The following CD177 variants were observed in gnomAD, a reference collection of about 807,000 sequenced individuals.
CD177 encodes the protein CD177 antigen.
A neutral mutation model predicts 38.1 loss-of-function variants in CD177; 41 were observed. The observed-to-expected ratio is 1.07, with a 90% confidence interval of 0.84 to 1.39. The LOEUF (loss-of-function observed/expected upper bound fraction) is 1.39. Ranked by LOEUF, CD177 falls within the 40% of genes most tolerant of loss-of-function variation. The pLI is 0.00. For missense variants in CD177, 619 were observed against 523.8 expected (o/e 1.18, Z -1.77); for synonymous variants, 236 against 216.7 (o/e 1.09, Z -0.78).
chr19:43,364,602 A>AG (rs1464523353), downstream of CD177, among the ~76,000 whole-genome samples: 1 of 134,904 alleles, frequency 7.4e-6, no homozygotes, highest in African/African-American at 2.8e-5. Flanking sequence ...TGGCAGCACA[A>AG]GGGGCACAGG....
chr19:43,359,902 G>A (rs1481784322), intron 5 of CD177, among the ~76,000 whole-genome samples: 6 of 145,838 alleles, frequency 4.1e-5, no homozygotes, highest in Admixed American at 3.5e-4. Context: ...CAACTGAAAG[G>A]TATGAGAAAG....
chr19:43,360,484 T>C (rs1479823394), intron 6 of CD177, 79 bp downstream of exon 6: 5 of 1,393,874 alleles, frequency 3.6e-6, no homozygotes, highest in Non-Finnish European at 3.9e-6. Flanking sequence ...TTCTTTCCCC[T>C]GAATTTCCTG....
chr19:43,355,917 G>A lies in CD177; in HGVS notation c.503-75G>A, dbSNP rs1599876835. 1.3e-5 allele frequency: 15 copies of A among 1,182,528 alleles called. No homozygotes were observed. In the East Asian group the frequency reaches 2.8e-4, roughly 22 times the overall value. The allele number at this position is 1,182,528 out of a possible 1,614,324, so 73.3% of individuals were successfully genotyped here. A position where few individuals can be genotyped will look rare whatever the true frequency, so the allele number is the denominator to read the frequency against. ...AGGAGGGTGGGCCTGGCTTCCTGGA[G>A]CTATGCCTGCCTCTGAGGGTTGGGT... On this transcript the variant is annotated intron_variant, in intron 4 of 8. Transcript: ENST00000618265.
At chr19:43,354,539 A>G (rs780686323) in intron 3 of CD177, 147 bp downstream of exon 3, 1 of 773,344 alleles carries the variant, frequency 1.3e-6, no homozygotes, top group South Asian at 1.6e-5. Flanking sequence ...CTCCCTGACC[A>G]TCGCCCCGCC....
intron 8 of CD177, 39 bp from the exon 9 acceptor site, chr19:43,362,049 G>A (rs772190359): frequency 4.4e-6 from 7 of 1,576,186 alleles, no homozygotes; most frequent in South Asian, 1.1e-5. Context: ...TGGCTGGGCT[G>A]TACTCTGTGT....
At chr19:43,363,732 A>G (rs1970006001), downstream of CD177, among the ~76,000 whole-genome samples, 1 of 152,118 alleles carries the variant, frequency 6.6e-6, no homozygotes, top group African/African-American at 2.4e-5. Context: ...GAAACAGAAC[A>G]CGTCTAGTAC....
intron 5 of CD177, among the ~76,000 whole-genome samples, chr19:43,360,028 C>T (rs553366273): frequency 1.1e-3 from 163 of 151,710 alleles, no homozygotes; most frequent in Middle Eastern, 3.4e-3. Context: ...AAGCAAGGAA[C>T]GGCCGTTCCC....
intron 3 of CD177, among the ~76,000 whole-genome samples, chr19:43,355,275 G>A (rs1160884692): frequency 2.0e-5 from 3 of 150,924 alleles, no homozygotes; most frequent in African/African-American, 7.3e-5. Context: ...CACCACGCCC[G>A]GCTAATTTTT....
At chr19:43,361,617 T>G (rs1424566938) in intron 8 of CD177, 38 bp downstream of exon 8, 2 of 1,549,468 alleles carry the variant, frequency 1.3e-6, no homozygotes, top group Non-Finnish European at 1.7e-6. Context: ...ATGAAGGCAC[T>G]GGTGGCCTGG....
chr19:43,360,043 G>A (rs1290031911), intron 5 of CD177, among the ~76,000 whole-genome samples: 16 of 151,870 alleles, frequency 1.1e-4, no homozygotes, highest in Admixed American at 7.2e-4. Flanking sequence ...GTTCCCCCAG[G>A]GCTGTGAGAG....
chr19:43,353,951 A>C lies in CD177; in HGVS notation c.151A>C (p.Ser51Arg), dbSNP rs753341493. ...GACCCCTAAGAACACCAGCTGCGAC[A>C]GCGGCTTGGGGTGCCAGGACACGTT... ...QWTPKNTSCD[S>R]GLGCQDTLML... Residue 51 changes from serine (S) to arginine (R), a missense_variant, in exon 2 of 9, where the codon AGC becomes CGC. Transcript: ENST00000618265. 5.0e-6 allele frequency: 8 copies of C among 1,613,798 alleles called. No homozygotes were observed. Among genetic ancestry groups the C allele is most frequent in the Non-Finnish European group, 6.8e-6 (8 of 1,179,854 alleles).
At chr19:43,360,624 CGTA>C (rs1969949393) in intron 6 of CD177, 1 of 549,772 alleles carries the variant, frequency 1.8e-6, no homozygotes, top group Admixed American at 3.2e-5. Context: ...GGGGTGACCA[CGTA>C]TGCGGTAATC....
chr19:43,355,046 T>C (rs1969903336), intron 3 of CD177, among the ~76,000 whole-genome samples: 8 of 113,952 alleles, frequency 7.0e-5, no homozygotes, highest in South Asian at 3.7e-4. Flanking sequence ...AGGCCCCTCC[T>C]CCACCCTGCC....
Position 43,362,261 on chromosome 19 carries a change from G to A in CD177, c.1255G>A (p.Gly419Arg), listed in dbSNP as rs1358633810. ...TGAGGGCCTGGAGTCTCTCACTTGG[G>A]GGGTGGGGCTGGCACTGGCCCCAGC... Reference protein sequence around the residue: ...GAEGLESLTWGVGLALAPALW... With the variant: ...GAEGLESLTWRVGLALAPALW... The change falls in exon 9 of 9, where the codon GGG becomes AGG. Residue 419 changes from glycine (G) to arginine (R), a missense_variant. Coordinates refer to ENST00000618265, the MANE Select transcript of CD177 (RefSeq NM_020406.4). 3.1e-6 allele frequency: 5 copies of A among 1,608,804 alleles called. No homozygotes were observed. The highest frequency in any genetic ancestry group is 2.7e-5 in the African/African-American group (2 of 74,796).
At chr19:43,355,439 G>T in intron 3 of CD177, 2 of 526,296 alleles carry the variant, frequency 3.8e-6, no homozygotes, top group Non-Finnish European at 7.3e-6. Flanking sequence ...CCAGCCCTGG[G>T]TGCCTCTACC....
chr19:43,355,348 G>A (rs1568443668), intron 3 of CD177, among the ~76,000 whole-genome samples: 3 of 151,328 alleles, frequency 2.0e-5, no homozygotes, highest in South Asian at 2.1e-4. Context: ...TCCTGACCTC[G>A]TGATCCACCT....
Position 43,362,198 on chromosome 19 carries a change from G to T in CD177, c.1192G>T (p.Val398Leu). 1 of 1,613,514 alleles carries T rather than the reference G, an allele frequency of 6.2e-7. No individual in the cohort carries two copies. Among genetic ancestry groups the T allele is most frequent in the Non-Finnish European group, 8.5e-7 (1 of 1,179,590 alleles). The stretch of plus-strand genomic sequence containing the variant: ...CTTCTCTGCGCGTGAGAAGCGTGAT[G>T]TGCAGCCTCCTGCCTCTCAGCATGA... ...GIFSAREKRDVQPPASQHEGG... is the reference protein window; with the variant it reads ...GIFSAREKRDLQPPASQHEGG... The change falls in exon 9 of 9, where the codon GTG becomes TTG. Residue 398 changes from valine to leucine, a missense_variant. Coordinates refer to ENST00000618265, the MANE Select transcript of CD177 (RefSeq NM_020406.4).
chr19:43,354,366 C>A lies in CD177; in HGVS notation c.353C>A (p.Pro118Gln), dbSNP rs1168581059. Reference protein sequence around the residue: ...DFCNNLVNSLPLWAPQPPADP... With the variant: ...DFCNNLVNSLQLWAPQPPADP... ...TGCAACAACCTCGTTAACTCCCTCC[C>A]GCTTTGGGCCCCACAGCCCCCAGCA... The change falls in exon 3 of 9, where the codon CCG (proline) becomes CAG (glutamine). Residue 118 changes from proline (P) to glutamine (Q), a missense_variant. By Grantham distance (76) the Pro-to-Gln change is moderately conservative (BLOSUM62 -1). Coordinates refer to ENST00000618265, the MANE Select transcript of CD177 (RefSeq NM_020406.4). 1 of 1,613,840 alleles carries A rather than the reference C, an allele frequency of 6.2e-7. No homozygotes were observed. The highest frequency in any genetic ancestry group is 1.3e-5 in the African/African-American group (1 of 74,898).
Position 43,354,346 on chromosome 19 carries a change from C to A in CD177, c.333C>A (p.Asn111Lys). The A allele has an allele frequency of 1.2e-6, 2 of 1,613,968 alleles. No homozygotes were observed. Among genetic ancestry groups the A allele is most frequent in the Non-Finnish European group, 1.7e-6 (2 of 1,179,868 alleles). The change falls in exon 3 of 9, where the codon AAC (asparagine) becomes AAA (lysine). Residue 111 changes from asparagine to lysine, a missense_variant. Asn to Lys is a moderately conservative substitution (Grantham distance 94, BLOSUM62 0). Transcript: ENST00000618265. The stretch of plus-strand genomic sequence containing the variant: ...TGTGCCGCCAGGAGGACTTCTGCAA[C>A]AACCTCGTTAACTCCCTCCCGCTTT... ...TFVCRQEDFCNNLVNSLPLWA... is the reference protein window; with the variant it reads ...TFVCRQEDFCKNLVNSLPLWA...
Sources: gnomAD v4.1 joint callset for allele counts (sites outside exome capture counted in the v4.1 genomes callset) on GRCh38, gnomAD v4.1.1 for gene constraint, MANE v1.5 for transcripts, NCBI Gene and HGNC (gene_info 2026-07-23, HGNC 2026-07-21) for gene names.